FUT8: variants seen among roughly 807,000 people sequenced by gnomAD.
FUT8 encodes the protein alpha-(1,6)-fucosyltransferase.
A neutral mutation model predicts 71.3 loss-of-function variants in FUT8; 29 were observed. The observed-to-expected ratio is 0.41, with a 90% CI of 0.30 to 0.55. The LOEUF (loss-of-function observed/expected upper bound fraction) is 0.55, where lower values mean the gene tolerates loss of function less well. Ranked by LOEUF, FUT8 falls within the 20% of genes least tolerant of loss-of-function variation. The pLI, the probability that FUT8 is intolerant of heterozygous loss-of-function variation, is 0.34. For synonymous variants in FUT8, 254 were observed against 239.3 expected (o/e 1.06, Z -0.57); for missense variants, 544 against 702.1 (o/e 0.77, Z 2.55).
At chr14:65,647,194 T>C (rs1375577945) in intron 6 of FUT8, among the ~76,000 whole-genome samples, 1 of 152,208 alleles carries the variant, frequency 6.6e-6, no homozygotes, top group African/African-American at 2.4e-5. Flanking sequence ...GATGATAAAA[T>C]ACCCAGATCA....
At chr14:65,535,060 T>C (rs1236305611) in intron 2 of FUT8, among the ~76,000 whole-genome samples, 3 of 150,836 alleles carry the variant, frequency 2.0e-5, no homozygotes, top group Non-Finnish European at 3.0e-5. Context: ...TATATACATA[T>C]GTATATAAAT....
intron 1 of FUT8, among the ~76,000 whole-genome samples, chr14:65,451,502 C>T (rs1162542658): frequency 1.3e-5 from 2 of 152,212 alleles, no homozygotes; most frequent in Admixed American, 1.3e-4. Flanking sequence ...TCAGTGGACC[C>T]TTTGCCTTCT....
chr14:65,468,417 A>G (rs1412552186), intron 2 of FUT8: 5 of 401,568 alleles, frequency 1.2e-5, no homozygotes, highest in Non-Finnish European at 2.3e-5. Flanking sequence ...TTAACACTAA[A>G]TATTTCACTT....
At chr14:65,695,753 T>C (rs754972496) in intron 7 of FUT8, among the ~76,000 whole-genome samples, 2 of 152,092 alleles carry the variant, frequency 1.3e-5, no homozygotes, top group Non-Finnish European at 2.9e-5. Flanking sequence ...GTTATTGATA[T>C]AGTTGGGTTG....
chr14:65,616,377 C>T lies in FUT8; in HGVS notation c.482+4C>T, dbSNP rs773324695. The T allele has an allele frequency of 2.6e-6, 4 of 1,558,078 alleles. No homozygotes were observed. Among genetic ancestry groups the T allele is most frequent in the Non-Finnish European group, 3.5e-6 (4 of 1,152,820 alleles). On this transcript the variant is annotated splice_donor_region_variant and intron_variant, in intron 5 of 10. Coordinates refer to ENST00000673929, the MANE Select transcript of FUT8 (RefSeq NM_001371533.1). Reference sequence around the variant, plus strand: ...TGGATTTAGGACATCATGAAAGGTACTATTCTCCTTTCACATTTTATTTGG... The same window carrying T: ...TGGATTTAGGACATCATGAAAGGTATTATTCTCCTTTCACATTTTATTTGG...
chr14:65,410,639 T>C (rs2065112753), upstream of FUT8: 2 of 151,192 alleles, frequency 1.3e-5, no homozygotes, highest in South Asian at 4.2e-4. Flanking sequence ...ATTCCTAGGA[T>C]TTTGGAAGTA....
intron 2 of FUT8, among the ~76,000 whole-genome samples, chr14:65,474,835 A>G (rs1311226516): frequency 6.6e-6 from 1 of 152,048 alleles, no homozygotes; most frequent in Non-Finnish European, 1.5e-5. Flanking sequence ...TTCATCCTTC[A>G]TTTTTGTGGA....
chr14:65,651,405 G>A (rs141327757), intron 6 of FUT8, among the ~76,000 whole-genome samples: 1 of 152,288 alleles, frequency 6.6e-6, no homozygotes, highest in African/African-American at 2.4e-5. Flanking sequence ...TTGATTCACA[G>A]CCCATAAAAG....
intron 10 of FUT8, among the ~76,000 whole-genome samples, chr14:65,734,481 C>T (rs1005404328): frequency 1.6e-4 from 24 of 152,176 alleles, no homozygotes; most frequent in African/African-American, 4.8e-4. Flanking sequence ...CCAAAGATAG[C>T]TGCACAGAAC....
intron 3 of FUT8, among the ~76,000 whole-genome samples, chr14:65,613,044 C>A (rs200183929): frequency 6.8e-6 from 1 of 146,356 alleles, no homozygotes; most frequent in African/African-American, 2.6e-5. Context: ...TTTTCTTTTC[C>A]AGTTTTTTTT....
At chr14:65,579,669 A>G (rs981803652) in intron 3 of FUT8, among the ~76,000 whole-genome samples, 28 of 152,156 alleles carry the variant, frequency 1.8e-4, no homozygotes, top group Non-Finnish European at 3.5e-4. Flanking sequence ...GGACATGGTA[A>G]TGCCATATGG....
intron 2 of FUT8, among the ~76,000 whole-genome samples, chr14:65,506,880 T>C (rs1432366148): frequency 6.6e-6 from 1 of 152,208 alleles, no homozygotes; most frequent in Non-Finnish European, 1.5e-5. Flanking sequence ...GGTCTGCCCA[T>C]AGACCCTGAC....
intron 9 of FUT8, among the ~76,000 whole-genome samples, chr14:65,730,240 ACAGT>A (rs1272027900): frequency 1.3e-5 from 2 of 152,248 alleles, no homozygotes; most frequent in Admixed American, 1.3e-4. Context: ...TAGTGTTGAC[ACAGT>A]CAGAGGAGAA....
intron 3 of FUT8, among the ~76,000 whole-genome samples, chr14:65,578,327 A>G (rs1456351528): frequency 6.6e-6 from 1 of 152,220 alleles, no homozygotes; most frequent in Non-Finnish European, 1.5e-5. Context: ...TATAGATGAC[A>G]CATCTGCTAC....
intron 1 of FUT8, among the ~76,000 whole-genome samples, chr14:65,435,319 T>C (rs185880125): frequency 2.0e-4 from 31 of 152,376 alleles, no homozygotes; most frequent in Non-Finnish European, 4.1e-4. Flanking sequence ...TTCTCAGATA[T>C]GGAACTAGTG....
At chr14:65,374,255 G>A in the FUT8 span, among the ~76,000 whole-genome samples, 1 of 152,158 alleles carries the variant, frequency 6.6e-6, no homozygotes, top group East Asian at 1.9e-4. Flanking sequence ...AAATGTGAGT[G>A]TACAGTCTGC....
chr14:65,448,671 TG>T (rs1053159089), intron 1 of FUT8, among the ~76,000 whole-genome samples: 1 of 152,018 alleles, frequency 6.6e-6, no homozygotes, highest in Non-Finnish European at 1.5e-5. Flanking sequence ...CTTTTGGGGA[TG>T]GGGTGGGAAA....
chr14:65,415,631 A>G (rs1272912888), intron 1 of FUT8, among the ~76,000 whole-genome samples: 1 of 152,090 alleles, frequency 6.6e-6, no homozygotes, highest in Non-Finnish European at 1.5e-5. Context: ...ATATGGGCGA[A>G]GGTATTAATT....
chr14:65,726,006 G>A (rs908193606), intron 9 of FUT8, among the ~76,000 whole-genome samples: 24 of 151,890 alleles, frequency 1.6e-4, no homozygotes, highest in African/African-American at 4.8e-4. Flanking sequence ...ATACATGCGC[G>A]CATGCGTGCA....
Sources: gnomAD v4.1 joint callset for allele counts (sites outside exome capture counted in the v4.1 genomes callset) on GRCh38, gnomAD v4.1.1 for gene constraint, MANE v1.5 for transcripts, NCBI Gene and HGNC (gene_info 2026-07-23, HGNC 2026-07-21) for gene names.